The following LITAF variants were observed in gnomAD, a reference collection of about 807,000 sequenced individuals.
LITAF encodes the protein lipopolysaccharide-induced tumor necrosis factor-alpha factor.
LITAF carries 9 observed loss-of-function variants against 14.5 expected under a neutral mutation model. The ratio of observed to expected loss-of-function variants is 0.62; its 90% CI spans 0.37 to 1.08. The LOEUF (loss-of-function observed/expected upper bound fraction) is 1.08. LITAF is among the 50% of genes least tolerant of loss of function. The pLI is 0.01. For missense variants in LITAF, 206 were observed against 213.4 expected (o/e 0.97, Z 0.22); for synonymous variants, 98 against 88.2 (o/e 1.11, Z -0.62).
chr16:11,622,436 C>G (rs1180501046), intron 3 of LITAF, among the ~76,000 whole-genome samples: 1 of 152,220 alleles, frequency 6.6e-6, no homozygotes, highest in African/African-American at 2.4e-5. Context: ...GGAGAGCCCC[C>G]GGGAAGAGGC....
chr16:11,619,799 C>T (rs1307064297), intron 3 of LITAF, among the ~76,000 whole-genome samples: 1 of 152,102 alleles, frequency 6.6e-6, no homozygotes, highest in African/African-American at 2.4e-5. Context: ...TCTTCAACTC[C>T]TGGCCTCAAG....
intron 3 of LITAF, among the ~76,000 whole-genome samples, chr16:11,612,908 A>G (rs2141880545): frequency 6.6e-6 from 1 of 152,276 alleles, no homozygotes; most frequent in East Asian, 1.9e-4. Flanking sequence ...GTGTCCCCCT[A>G]GAATCTTGAC....
intron 1 of LITAF, chr16:11,575,696 A>G (rs1332400857): frequency 6.6e-6 from 1 of 152,206 alleles, no homozygotes; most frequent in Non-Finnish European, 1.5e-5. Context: ...GCGTAAACAC[A>G]CATCAAAGGT....
At chr16:11,580,444 G>A (rs8056062) in intron 1 of LITAF, among the ~76,000 whole-genome samples, 24,802 of 152,080 alleles carry the variant, frequency 0.16, 2,136 homozygotes, top group South Asian at 0.23. Context: ...TTTTAGTAGA[G>A]ACGGGGTTTC....
chr16:11,565,074 C>A (rs1049313689), intron 1 of LITAF, among the ~76,000 whole-genome samples: 5 of 135,460 alleles, frequency 3.7e-5, no homozygotes, highest in African/African-American at 1.5e-4. Flanking sequence ...TTACTAAATG[C>A]CACTGAATTA....
chr16:11,609,158 CAGT>C (rs1308097370), intron 3 of LITAF, among the ~76,000 whole-genome samples: 2 of 151,186 alleles, frequency 1.3e-5, no homozygotes, highest in Non-Finnish European at 2.9e-5. Context: ...CTGAAACTGA[CAGT>C]GGTGACAGTT....
At chr16:11,585,033 C>T (rs2064787026) in intron 1 of LITAF, among the ~76,000 whole-genome samples, 1 of 152,056 alleles carries the variant, frequency 6.6e-6, no homozygotes, top group Non-Finnish European at 1.5e-5. Flanking sequence ...CATGGCAAAA[C>T]TCTGTCTCTA....
At chr16:11,627,639 T>C (rs529456658) in intron 3 of LITAF, among the ~76,000 whole-genome samples, 1 of 152,122 alleles carries the variant, frequency 6.6e-6, no homozygotes, top group Non-Finnish European at 1.5e-5. Context: ...AGGTCAGCAG[T>C]TCGAGACCAG....
chr16:11,579,566 G>C (rs1393562726), intron 1 of LITAF, among the ~76,000 whole-genome samples: 2 of 151,894 alleles, frequency 1.3e-5, no homozygotes, highest in African/African-American at 4.8e-5. Context: ...TTAGGACCCT[G>C]GCCCAGAAAA....
intron 1 of LITAF, among the ~76,000 whole-genome samples, chr16:11,594,653 A>G (rs1395907120): frequency 1.3e-5 from 2 of 152,182 alleles, no homozygotes; most frequent in South Asian, 2.1e-4. Flanking sequence ...AGGCAGGTGG[A>G]TCGCTTGAGG....
At chr16:11,555,755 A>G (rs1030624477) in intron 2 of LITAF, among the ~76,000 whole-genome samples, 3 of 152,238 alleles carry the variant, frequency 2.0e-5, no homozygotes, top group Admixed American at 1.3e-4. Flanking sequence ...CCAGCTCAAA[A>G]TAACTTGAAC....
chr16:11,602,760 CAAAAA>C (rs35880448), upstream of LITAF, among the ~76,000 whole-genome samples: 9 of 114,220 alleles, frequency 7.9e-5, no homozygotes, highest in Admixed American at 5.4e-4. Flanking sequence ...TGGCTTGTTG[CAAAAA>C]AAAAAAAAAA....
chr16:11,585,188 G>C (rs369859156), intron 1 of LITAF, among the ~76,000 whole-genome samples: 1 of 146,532 alleles, frequency 6.8e-6, no homozygotes, highest in Non-Finnish European at 1.5e-5. Flanking sequence ...AGCCGAGATC[G>C]CACCACTGCA....
chr16:11,638,024 CTATATATCTA>C (rs1567271026), upstream of LITAF, among the ~76,000 whole-genome samples: 19 of 72,160 alleles, frequency 2.6e-4, 3 homozygotes, highest in South Asian at 4.0e-3. Flanking sequence ...CTATATATAT[CTATATATCTA>C]TATATATCTA....
intron 3 of LITAF, among the ~76,000 whole-genome samples, chr16:11,607,514 A>G (rs919782885): frequency 1.3e-5 from 2 of 152,256 alleles, no homozygotes; most frequent in Non-Finnish European, 2.9e-5. Flanking sequence ...CACTTCTGAA[A>G]GTAGTGTGCT....
rs1391504241 is a variant in LITAF at position 11,633,569 on chromosome 16, T to A, written c.49A>T (p.Lys17Ter). 6.6e-6 allele frequency: 1 copy of A among 152,076 alleles called. No homozygotes were observed. Among genetic ancestry groups the A allele is most frequent in the East Asian group, 1.9e-4 (1 of 5,190 alleles). 9.4% of individuals were successfully genotyped at this position (152,076 alleles called of 1,614,324 possible). ...CGGCGACGAGGGCGAACTCTGGTCTTCCTCACTGCTACACTCCCACCAGCA... is the reference window on the plus strand; with the variant it reads ...CGGCGACGAGGGCGAACTCTGGTCTACCTCACTGCTACACTCCCACCAGCA... The change falls in exon 3 of 4, where the codon AAG (lysine) becomes TAG (stop). Residue 17 changes from lysine to a stop codon, truncating the protein, a stop_gained. Transcript: ENST00000574848. LOFTEE classifies it high-confidence loss of function.
Position 11,549,757 on chromosome 16 carries a change from G to C in LITAF, c.378-12C>G, listed in dbSNP as rs979622478. On this transcript the variant is annotated splice_polypyrimidine_tract_variant and intron_variant, in intron 3 of 3. Coordinates refer to ENST00000622633, the MANE Select transcript of LITAF (RefSeq NM_001136472.2). The surrounding 1 kb of genome is among the most constrained non-coding windows in gnomAD (Gnocchi z 4.6). ...AGCCCGCTATGCACCTGGGAGGAGA[G>C]AGAGACACACGGAGCGCGTTACTGA... 5 of 1,606,584 alleles carry C rather than the reference G, an allele frequency of 3.1e-6. No homozygotes were observed. The Admixed American group carries it at 5.0e-5, about 16-fold the overall frequency.
intron 3 of LITAF, among the ~76,000 whole-genome samples, chr16:11,622,132 GT>G (rs976056370): frequency 6.6e-6 from 1 of 152,222 alleles, no homozygotes; most frequent in African/African-American, 2.4e-5. Context: ...TAGAGAGTGT[GT>G]TTGGGGGACC....
chr16:11,601,238 A>G (rs2064924422), upstream of LITAF, among the ~76,000 whole-genome samples: 1 of 151,688 alleles, frequency 6.6e-6, no homozygotes, highest in African/African-American at 2.4e-5. Context: ...CAGACAAATA[A>G]AACCGCCTCC....
Sources: allele counts gnomAD v4.1 joint callset (sites outside exome capture counted in the v4.1 genomes callset), GRCh38; gene constraint gnomAD v4.1.1; non-coding constraint Gnocchi (gnomAD v3.1); transcripts MANE v1.5; gene names NCBI Gene and HGNC (gene_info 2026-07-23, HGNC 2026-07-21).